The following CSMD1 variants were observed in gnomAD, a reference collection of about 807,000 sequenced individuals.
The protein encoded by CSMD1 is CUB and sushi domain-containing protein 1.
CSMD1 carries 213 observed loss-of-function variants against 417.5 expected under a neutral mutation model. The observed-to-expected ratio is 0.51, with a 90% CI of 0.46 to 0.57. The LOEUF is 0.57. Ranked by LOEUF, CSMD1 falls within the 20% of genes least tolerant of loss-of-function variation. CSMD1 has a pLI of 0.00. For missense variants in CSMD1, 6,923 were observed against 4,529.7 expected (o/e 1.53, Z -15.17); for synonymous variants, 2,862 against 1,736.8 (o/e 1.65, Z -16.11).
chr8:4,499,337 G>C (rs1474947874), intron 2 of CSMD1, among the ~76,000 whole-genome samples: 3 of 152,174 alleles, frequency 2.0e-5, no homozygotes, highest in African/African-American at 4.8e-5. Context: ...TGCCCATATG[G>C]GGAAGTGTGA....
chr8:4,398,824 C>G (rs569575620), intron 3 of CSMD1, among the ~76,000 whole-genome samples: 61 of 152,294 alleles, frequency 4.0e-4, no homozygotes, highest in African/African-American at 1.4e-3. Flanking sequence ...GTGGTATTTT[C>G]TTTTCAAGGT....
chr8:3,533,307 C>G (rs1585317367), intron 10 of CSMD1, among the ~76,000 whole-genome samples: 1 of 152,270 alleles, frequency 6.6e-6, no homozygotes, highest in Non-Finnish European at 1.5e-5. Flanking sequence ...ATATAATTAA[C>G]TATAAACCGA....
At chr8:4,946,085 T>C (rs1808350319) in intron 1 of CSMD1, among the ~76,000 whole-genome samples, 1 of 152,136 alleles carries the variant, frequency 6.6e-6, no homozygotes, top group African/African-American at 2.4e-5. Context: ...GAAAGTCCAC[T>C]TGCACACCCA....
chr8:3,795,233 A>ACC (rs1799998104), intron 5 of CSMD1, among the ~76,000 whole-genome samples: 1 of 109,456 alleles, frequency 9.1e-6, no homozygotes, highest in African/African-American at 4.1e-5. Flanking sequence ...AGATATAGAT[A>ACC]TATATCTATC....
At chr8:4,909,970 T>C (rs1160846641) in intron 1 of CSMD1, among the ~76,000 whole-genome samples, 2 of 152,236 alleles carry the variant, frequency 1.3e-5, no homozygotes, top group South Asian at 2.1e-4. Context: ...GATTTTACTA[T>C]ATTATTTATC....
intron 2 of CSMD1, among the ~76,000 whole-genome samples, chr8:4,461,529 A>T (rs1799816580): frequency 6.6e-6 from 1 of 150,702 alleles, no homozygotes; most frequent in Non-Finnish European, 1.5e-5. Flanking sequence ...ATGAATATGC[A>T]AAAATCCATA....
chr8:3,993,296 G>A (rs773026447), intron 5 of CSMD1, among the ~76,000 whole-genome samples: 8 of 152,134 alleles, frequency 5.3e-5, no homozygotes, highest in African/African-American at 1.9e-4. Context: ...TTAATTTTGG[G>A]GCACGTGAGA....
chr8:4,004,412 C>T (rs1199197583), intron 4 of CSMD1, among the ~76,000 whole-genome samples: 1 of 145,214 alleles, frequency 6.9e-6, no homozygotes, highest in Admixed American at 7.1e-5. Flanking sequence ...ATAAATTCTG[C>T]CATGAATCTT....
chr8:4,149,536 A>C (rs1463515961), intron 3 of CSMD1, among the ~76,000 whole-genome samples: 1 of 152,196 alleles, frequency 6.6e-6, no homozygotes, highest in Non-Finnish European at 1.5e-5. Context: ...TTTCAATACT[A>C]ACCAAAAATA....
chr8:3,464,038 A>C (rs1178441944), intron 12 of CSMD1, among the ~76,000 whole-genome samples: 1 of 152,128 alleles, frequency 6.6e-6, no homozygotes, highest in Non-Finnish European at 1.5e-5. Context: ...TACTGGAATC[A>C]CTCTTAGTAT....
Position 4,142,504 on chromosome 8 carries a change from G to C in CSMD1, c.416-110405C>G, listed in dbSNP as rs114834849. The stretch of plus-strand genomic sequence containing the variant: ...GCTAAATTCACAAGCTCGTGAAAAA[G>C]GAGCTGTTCTAGATGAATTCTAAGT... On this transcript the variant is annotated intron_variant, in intron 3 of 69. Coordinates refer to ENST00000635120, the MANE Select transcript of CSMD1 (RefSeq NM_033225.6). 6.0e-5 allele frequency among the ~76,000 whole-genome samples: 9 copies of C among 151,208 alleles called. 1 individual carries two copies. Among genetic ancestry groups the C allele is most frequent in the African/African-American group, 2.2e-4 (9 of 40,498 alleles).
At chr8:3,526,722 A>G (rs1010736614) in intron 10 of CSMD1, among the ~76,000 whole-genome samples, 3 of 152,190 alleles carry the variant, frequency 2.0e-5, no homozygotes, top group African/African-American at 7.2e-5. Context: ...TCCTAGCTGT[A>G]TCCCCTTCAA....
chr8:3,509,649 T>C (rs1377221690), intron 10 of CSMD1, among the ~76,000 whole-genome samples: 1 of 152,202 alleles, frequency 6.6e-6, no homozygotes, highest in Admixed American at 6.5e-5. Context: ...CTATAAGATA[T>C]CATCAACCTA....
chr8:4,360,923 G>C (rs1038025302), intron 3 of CSMD1, among the ~76,000 whole-genome samples: 1 of 152,266 alleles, frequency 6.6e-6, no homozygotes, highest in African/African-American at 2.4e-5. Context: ...CTGATAGCAG[G>C]TGAATTTCTT....
At chr8:3,609,861 C>G (rs1801804547) in intron 8 of CSMD1, among the ~76,000 whole-genome samples, 2 of 143,372 alleles carry the variant, frequency 1.4e-5, no homozygotes, top group South Asian at 4.7e-4. Flanking sequence ...CTCTGTCCCC[C>G]AGGCTGAAGT....
chr8:4,100,188 G>C (rs1801234204), intron 3 of CSMD1, among the ~76,000 whole-genome samples: 1 of 152,096 alleles, frequency 6.6e-6, no homozygotes, highest in Admixed American at 6.5e-5. Flanking sequence ...CCACTACCTT[G>C]GGGAAGGGTG....
At chr8:4,039,465 C>G (rs563553980) in intron 3 of CSMD1, among the ~76,000 whole-genome samples, 2 of 152,168 alleles carry the variant, frequency 1.3e-5, no homozygotes, top group East Asian at 3.9e-4. Context: ...CCTTACATTT[C>G]TTCTCTTTAC....
intron 10 of CSMD1, among the ~76,000 whole-genome samples, chr8:3,507,663 C>A (rs148040363): frequency 6.6e-6 from 1 of 152,132 alleles, no homozygotes; most frequent in Non-Finnish European, 1.5e-5. Flanking sequence ...CTTTTCAGCA[C>A]CTGTTGTTTC....
chr8:4,769,129 G>T (rs1381677602), intron 1 of CSMD1, among the ~76,000 whole-genome samples: 2 of 152,140 alleles, frequency 1.3e-5, no homozygotes, highest in Non-Finnish European at 2.9e-5. Flanking sequence ...CTTGCTCTAT[G>T]ACCTTGACCA....
Sources: allele counts gnomAD v4.1 joint callset (sites outside exome capture counted in the v4.1 genomes callset), GRCh38; gene constraint gnomAD v4.1.1; transcripts MANE v1.5; gene names NCBI Gene and HGNC (gene_info 2026-07-23, HGNC 2026-07-21).